The following COL5A3 variants were observed in gnomAD, a reference collection of about 807,000 sequenced individuals.
COL5A3 encodes collagen alpha-3(V) chain.
In COL5A3, 172 loss-of-function variants were observed where a neutral mutation model predicts 250.0. The ratio of observed to expected loss-of-function variants is 0.69; its 90% CI spans 0.61 to 0.78. The LOEUF is 0.78. Among genes scored for constraint, COL5A3 ranks in the 30% least tolerant of loss-of-function variants. COL5A3 has a pLI of 0.00. For synonymous variants in COL5A3, 937 were observed against 900.4 expected (o/e 1.04, Z -0.73); for missense variants, 2,340 against 2,334.4 (o/e 1.00, Z -0.05).
intron 1 of COL5A3, among the ~76,000 whole-genome samples, chr19:10,007,698 C>CA (rs1025808229): frequency 2.0e-5 from 3 of 152,068 alleles, no homozygotes; most frequent in South Asian, 4.1e-4. Context: ...GGAGCTGGGG[C>CA]GGGGGGGCTA....
Position 9,968,364 on chromosome 19 carries a change from C to A in COL5A3, c.4314+21G>T. On this transcript the variant is annotated intron_variant, in intron 59 of 66. Coordinates refer to ENST00000264828, the MANE Select transcript of COL5A3 (RefSeq NM_015719.4). The surrounding 1 kb of genome is among the most constrained non-coding windows in gnomAD (Gnocchi z 4.1). ...CCCCCTCCTTCAAATGCATTCTTCC[C>A]GCTCAGGTCAGGACACTCACAGGGT... is the stretch of plus-strand genomic sequence containing the variant. The A allele has an allele frequency of 6.4e-7, 1 of 1,553,838 alleles. No individual in the cohort carries two copies. The highest frequency in any genetic ancestry group is 2.3e-5 in the East Asian group (1 of 44,208).
intron 31 of COL5A3, among the ~76,000 whole-genome samples, chr19:9,983,891 T>G (rs554753847): frequency 6.7e-6 from 1 of 148,856 alleles, no homozygotes; most frequent in African/African-American, 2.5e-5. Flanking sequence ...GGAGTCAATG[T>G]AAAGGGAAAT....
In COL5A3 at chr19:9,977,459, G is replaced by C; in HGVS notation, c.3140C>G (p.Pro1047Arg). 1 of 1,519,228 alleles carries C rather than the reference G, an allele frequency of 6.6e-7. No individual in the cohort carries two copies. Among genetic ancestry groups the C allele is most frequent in the East Asian group, 2.3e-5 (1 of 44,004 alleles). The allele number at this position is 1,519,228 out of a possible 1,614,324, so 94.1% of individuals were successfully genotyped here. Residue 1047 changes from proline (P) to arginine (R), a missense_variant, in exon 43 of 67, where the codon CCC (proline) becomes CGC (arginine). Pro to Arg is a moderately radical substitution (Grantham distance 103, BLOSUM62 -2). Transcript: ENST00000264828. ...CCCATCTTTGCCAGTGGGGCCAGGG[G>C]GGCCACGTTCTCCCTGTTGTGGGGA... Reference protein sequence around the residue: ...GKKGSRGERGPPGPTGKDGIP... With the variant: ...GKKGSRGERGRPGPTGKDGIP...
intron 31 of COL5A3, among the ~76,000 whole-genome samples, chr19:9,985,262 AT>A (rs61409571): frequency 0.18 from 23,379 of 127,888 alleles, 2,414 homozygotes; most frequent in African/African-American, 0.33. Flanking sequence ...CATCTGGCTA[AT>A]TTTTTTTTTT....
Position 9,993,676 on chromosome 19 carries a change from T to C in COL5A3, c.1642-4A>G. The C allele has an allele frequency of 6.2e-7, 1 of 1,614,096 alleles. No individual in the cohort carries two copies. Among genetic ancestry groups the C allele is most frequent in the Non-Finnish European group, 8.5e-7 (1 of 1,180,016 alleles). The stretch of plus-strand genomic sequence containing the variant: ...GGCCATCGAAGCCACGATCACCCTG[T>C]CCAGAGACACCAGTGAGCCTTGACC... On this transcript the variant is annotated splice_polypyrimidine_tract_variant and splice_region_variant and intron_variant, in intron 17 of 66. Transcript: ENST00000264828.
At position 9,977,224 on chromosome 19, in the gene COL5A3, C is replaced by T. The variant is rs775416624; in HGVS notation, c.3288+5G>A. ...CACCCTGCCCCACTGGGGACCTTCA[C>T]TCACCGCGTCTCCTTTATCGCCTTT... On this transcript the variant is annotated splice_donor_5th_base_variant and intron_variant, in intron 44 of 66. Coordinates refer to ENST00000264828, the MANE Select transcript of COL5A3 (RefSeq NM_015719.4). 2 of 1,613,586 alleles carry T rather than the reference C, an allele frequency of 1.2e-6. No homozygotes were observed. Among genetic ancestry groups the T allele is most frequent in the Admixed American group, 3.3e-5 (2 of 60,014 alleles).
intron 44 of COL5A3, 90 bp from the exon 45 acceptor site, chr19:9,976,701 C>G (rs565544946): frequency 7.2e-6 from 7 of 968,436 alleles, no homozygotes; most frequent in Non-Finnish European, 1.1e-5. Context: ...CCCACACCCC[C>G]TTTATGAGAA....
rs375554324 is a variant in COL5A3 at position 9,980,675 on chromosome 19, A to T, written c.2577T>A (p.Asp859Glu). The change falls in exon 35 of 67, where the codon GAT becomes GAA. Residue 859 changes from aspartate (D) to glutamate (E), a missense_variant. Transcript: ENST00000264828. ...QPGPKGDVGQ[D>E]GAPGIPGEKG... ...TTTCTCCAGGGATCCCAGGGGCTCC[A>T]TCCTGGCCCACATCGCCCTAGGACA... 1.0e-4 allele frequency: 162 copies of T among 1,613,592 alleles called. No homozygotes were observed. The highest frequency in any genetic ancestry group is 1.2e-4 in the Non-Finnish European group (142 of 1,179,936).
rs185770695 is a variant in COL5A3 at position 10,004,142 on chromosome 19, C to T, written c.598G>A (p.Asp200Asn). The T allele has an allele frequency of 7.4e-6, 12 of 1,613,194 alleles. No homozygotes were observed. The highest frequency in any genetic ancestry group is 3.3e-4 in the Middle Eastern group (2 of 6,030). Residue 200 changes from aspartate to asparagine, a missense_variant, in exon 5 of 67, where the codon GAC becomes AAC. By Grantham distance (23) the Asp-to-Asn change is conservative (BLOSUM62 1). Coordinates refer to ENST00000264828, the MANE Select transcript of COL5A3 (RefSeq NM_015719.4). ...QDLGEKTFEG[D>N]IQELLISPDP... ...GGGCTTATCAGCAGCTCCTGAATGT[C>T]TCCCTGGGGGTTGGGGGTGTAGGAG...
chr19:10,007,919 T>TTCTCTC (rs141005538), intron 1 of COL5A3, among the ~76,000 whole-genome samples: 1 of 149,728 alleles, frequency 6.7e-6, no homozygotes, highest in Non-Finnish European at 1.5e-5. Context: ...CCAAGTCTCT[T>TTCTCTC]TCTCTCTCTC....
intron 41 of COL5A3, among the ~76,000 whole-genome samples, chr19:9,977,942 C>CTATATATA (rs751164946): frequency 4.5e-5 from 4 of 89,684 alleles, no homozygotes; most frequent in Admixed American, 2.9e-4. Context: ...TCCTGGCAGC[C>CTATATATA]TATACATATA....
intron 38 of COL5A3, 47 bp downstream of exon 38, chr19:9,979,317 C>T (rs981720151): frequency 3.1e-6 from 5 of 1,610,042 alleles, no homozygotes; most frequent in Non-Finnish European, 2.6e-6. Context: ...CCCTAAATAT[C>T]CCCCAACTGG....
rs747006692 is a variant in COL5A3 at position 9,977,276 on chromosome 19, C to A, written c.3241G>T (p.Val1081Leu). The A allele has an allele frequency of 5.6e-6, 9 of 1,614,162 alleles. No individual in the cohort carries two copies. The highest frequency in any genetic ancestry group is 7.6e-6 in the Non-Finnish European group (9 of 1,180,000). ...PSGEEGDKGD[V>L]GAPGHKGSKG... ...CTCCCCTTGTGTCCGGGGGCACCCA[C>A]ATCCCCCTGCAGAGGAAATGGGATG... Residue 1081 changes from valine (V) to leucine (L), a missense_variant, in exon 44 of 67, where the codon GTG becomes TTG. By Grantham distance (32) the Val-to-Leu change is conservative (BLOSUM62 1). Around this residue, in one of 3 missense-constraint regions of COL5A3, gnomAD observed 1,179 missense variants for 1,162.6 expected, o/e 1.01. Coordinates refer to ENST00000264828, the MANE Select transcript of COL5A3 (RefSeq NM_015719.4).
Position 9,980,859 on chromosome 19 carries a change from C to T in COL5A3, c.2506G>A (p.Gly836Ser). ...PGLEGERGPP[G>S]SRGERGQPGA... ...GGTTGCCCCCTCTCTCCACGGGAACCCTGAACAAAAAAAAAAGGCAAAGAT... is the reference window on the plus strand; with the variant it reads ...GGTTGCCCCCTCTCTCCACGGGAACTCTGAACAAAAAAAAAAGGCAAAGAT... Residue 836 changes from glycine to serine, a missense_variant and splice_region_variant, in exon 34 of 67, where the codon GGT becomes AGT. By Grantham distance (56) the Gly-to-Ser change is moderately conservative. Around this residue, in one of 3 missense-constraint regions of COL5A3, gnomAD observed 1,152 missense variants for 1,146.3 expected, o/e 1.00. Coordinates refer to ENST00000264828, the MANE Select transcript of COL5A3 (RefSeq NM_015719.4). 1 of 1,608,028 alleles carries T rather than the reference C, an allele frequency of 6.2e-7. No individual in the cohort carries two copies. Among genetic ancestry groups the T allele is most frequent in the South Asian group, 1.1e-5 (1 of 90,294 alleles).
rs192738745 is a variant in COL5A3 at position 9,966,794 on chromosome 19, G to A, written c.4459-48C>T. 3.7e-4 allele frequency: 517 copies of A among 1,388,980 alleles called. No individual in the cohort carries two copies. The African/African-American group carries it at 6.8e-3, about 18-fold the overall frequency. 86.0% of individuals were successfully genotyped at this position (1,388,980 alleles called of 1,614,324 possible). ...GAGAAGAGAGGGGAGATGGGGGAGG[G>A]AGAGAGAGGGAGAAAGAGAGACAGG... is the stretch of plus-strand genomic sequence containing the variant. On this transcript the variant is annotated intron_variant, in intron 62 of 66. Coordinates refer to ENST00000264828, the MANE Select transcript of COL5A3 (RefSeq NM_015719.4).
In COL5A3 at chr19:9,992,165, G is replaced by A. The variant is rs376149398; in HGVS notation, c.1849-117C>T. 84 of 852,092 alleles carry A rather than the reference G, an allele frequency of 9.9e-5. 2 individuals are homozygous for A. The East Asian group carries it at 1.5e-3, about 15-fold the overall frequency. 52.8% of individuals were successfully genotyped at this position (852,092 alleles called of 1,614,324 possible). On this transcript the variant is annotated intron_variant, in intron 21 of 66. Coordinates refer to ENST00000264828, the MANE Select transcript of COL5A3 (RefSeq NM_015719.4). ...GGGCCGGGCACTGTGGCTCATGCTT[G>A]TAATCCCAGCATTTTGGGAGGCTGA...
In COL5A3 at chr19:9,960,867, C is replaced by T. The variant is rs1286026695; in HGVS notation, c.4875G>A (p.Gly1625=). The T allele has an allele frequency of 6.2e-7, 1 of 1,608,100 alleles. No individual in the cohort carries two copies. Among genetic ancestry groups the T allele is most frequent in the African/African-American group, 1.3e-5 (1 of 74,894 alleles). ...TCAGCTGCACGACATTCACTGGGGA[C>T]CCGTCGGCGTCCACGTAGGAGAACT... ...GKKFSYVDAD[G]SPVNVVQLNF... Residue 1625 remains glycine, a synonymous_variant, in exon 66 of 67, where the codon GGG becomes GGA. Transcript: ENST00000264828.
At chr19:9,984,684 T>C (rs919512540) in intron 31 of COL5A3, among the ~76,000 whole-genome samples, 2 of 152,152 alleles carry the variant, frequency 1.3e-5, no homozygotes, top group Non-Finnish European at 2.9e-5. Flanking sequence ...TGGAAATTAC[T>C]GGGATGTCTG....
In COL5A3 at chr19:10,006,116, G is replaced by A. The variant is rs1421635147; in HGVS notation, c.204C>T (p.Gly68=). The A allele has an allele frequency of 1.2e-6, 2 of 1,613,830 alleles. No homozygotes were observed. Among genetic ancestry groups the A allele is most frequent in the Admixed American group, 1.7e-5 (1 of 59,996 alleles). The change falls in exon 2 of 67, where the codon GGC becomes GGT. Residue 68 remains glycine, a synonymous_variant. Coordinates refer to ENST00000264828, the MANE Select transcript of COL5A3 (RefSeq NM_015719.4). ...TPEGDRAFRI[G]QASTLGIPTW... is the part of the protein sequence containing the mutation. The stretch of plus-strand genomic sequence containing the variant: ...TGGGGATGCCGAGCGTGCTGGCCTG[G>A]CCAATTCTGAATGCCCGGTCACCCT...
Sources: gnomAD v4.1 joint callset for allele counts (sites outside exome capture counted in the v4.1 genomes callset) on GRCh38, gnomAD v4.1.1 for gene constraint, gnomAD v4.1.1 regional missense constraint, Gnocchi (gnomAD v3.1) non-coding constraint, MANE v1.5 for transcripts, NCBI Gene and HGNC (gene_info 2026-07-23, HGNC 2026-07-21) for gene names.